The following CYP26B1 variants were observed in gnomAD, a reference collection of about 807,000 sequenced individuals.
CYP26B1 encodes cytochrome P450 26B1.
Under a neutral mutation model 39.1 loss-of-function variants are expected in CYP26B1, and 8 were observed. The ratio of observed to expected loss-of-function variants is 0.20; its 90% CI spans 0.12 to 0.37. The LOEUF (loss-of-function observed/expected upper bound fraction) is 0.37. CYP26B1 is among the 10% of genes least tolerant of loss of function. CYP26B1 has a pLI of 1.00. For synonymous variants in CYP26B1, 321 were observed against 314.3 expected (o/e 1.02, Z -0.23); for missense variants, 615 against 707.0 (o/e 0.87, Z 1.48).
In CYP26B1 at chr2:72,143,442, C is replaced by T. The variant is rs953623196; in HGVS notation, c.429+547G>A. Among the ~76,000 whole-genome samples, 123 of 145,764 alleles carry T rather than the reference C, an allele frequency of 8.4e-4. 1 individual carries two copies. Among genetic ancestry groups the T allele is most frequent in the Middle Eastern group, 3.4e-3 (1 of 290 alleles). The stretch of plus-strand genomic sequence containing the variant: ...TCTCCCCCCGCCCGCCCTTCCCCCA[C>T]GGCCCAGACCCGTGCGCTCCGCTGC... On this transcript the variant is annotated intron_variant, in intron 2 of 5. Transcript: ENST00000001146.
rs747164535 is a variant in CYP26B1, at chr2:72,133,282, G to A, written c.887C>T (p.Ala296Val). ...LKDGTLELIFAAYATTASAST... is the reference protein window; with the variant it reads ...LKDGTLELIFVAYATTASAST... Reference sequence around the variant, plus strand: ...GGCGCTGGCCGTGGTGGCATAGGCCGCAAAGATCAGCTCCAGGGTCCCGTC... The same window carrying A: ...GGCGCTGGCCGTGGTGGCATAGGCCACAAAGATCAGCTCCAGGGTCCCGTC... The change falls in exon 5 of 6, where the codon GCG becomes GTG. Residue 296 changes from alanine to valine, a missense_variant. Ala to Val is a moderately conservative substitution (Grantham distance 64, BLOSUM62 0). Coordinates refer to ENST00000001146, the MANE Select transcript of CYP26B1 (RefSeq NM_019885.4). The A allele has an allele frequency of 3.1e-6, 5 of 1,607,786 alleles. No homozygotes were observed. The highest frequency in any genetic ancestry group is 2.5e-6 in the Non-Finnish European group (3 of 1,179,488).
Position 72,135,382 on chromosome 2 carries a change from C to A in CYP26B1, c.467G>T (p.Ser156Ile), listed in dbSNP as rs759204214. The change falls in exon 3 of 6, where the codon AGT (serine) becomes ATT (isoleucine). Residue 156 changes from serine (S) to isoleucine (I), a missense_variant. Transcript: ENST00000001146. ...SKIFSHEALE[S>I]YLPKIQLVIQ... is the part of the protein sequence containing the mutation. ...CACCAGCTGGATCTTGGGCAGGTAA[C>A]TCTCCAGGGCCTCGTGGCTGAAGAT... is the stretch of plus-strand genomic sequence containing the variant. 20 of 1,613,330 alleles carry A rather than the reference C, an allele frequency of 1.2e-5. No individual in the cohort carries two copies. The highest frequency in any genetic ancestry group is 1.6e-4 in the Middle Eastern group (1 of 6,084).
At chr2:72,134,379 G>A (rs1219979358) in intron 4 of CYP26B1, among the ~76,000 whole-genome samples, 1 of 152,090 alleles carries the variant, frequency 6.6e-6, no homozygotes, top group Non-Finnish European at 1.5e-5. Flanking sequence ...GGTGGGGGAG[G>A]ATACCTCACA....
intron 4 of CYP26B1, among the ~76,000 whole-genome samples, chr2:72,133,590 C>A (rs902734416): frequency 6.6e-6 from 1 of 152,368 alleles, no homozygotes; most frequent in South Asian, 2.1e-4. Flanking sequence ...TTCTCACTCA[C>A]TGCTGGGTTC....
Position 72,147,531 on chromosome 2 carries a change from C to A in CYP26B1, c.204+100G>T. 1 of 1,222,642 alleles carries A rather than the reference C, an allele frequency of 8.2e-7. No individual in the cohort carries two copies. Among genetic ancestry groups the A allele is most frequent in the Non-Finnish European group, 1.1e-6 (1 of 905,808 alleles). The allele number at this position is 1,222,642 out of a possible 1,614,324, so 75.7% of individuals were successfully genotyped here. On this transcript the variant is annotated intron_variant, in intron 1 of 5. Transcript: ENST00000001146. The surrounding 1 kb of genome is among the most constrained non-coding windows in gnomAD (Gnocchi z 6.1). ...GGAAGGGGCGGGGCGGGGACCAGTG[C>A]CTTCAGGCTCCCGGCGCCCCCTGGC...
At chr2:72,140,747 G>A (rs1572928250) in intron 2 of CYP26B1, among the ~76,000 whole-genome samples, 1 of 152,320 alleles carries the variant, frequency 6.6e-6, no homozygotes, top group East Asian at 1.9e-4. Context: ...CAGGGATGGT[G>A]GGTGGACAGG....
At chr2:72,134,662 A>AC (rs1423653998) in intron 4 of CYP26B1, 99 bp downstream of exon 4, 2 of 1,524,592 alleles carry the variant, frequency 1.3e-6, no homozygotes, top group Admixed American at 3.9e-5. Context: ...GGGCCAGACT[A>AC]CAGGGGGTAG....
At position 72,133,138 on chromosome 2, in the gene CYP26B1, C is replaced by T. The variant is rs772338043; in HGVS notation, c.1031G>A (p.Arg344His). ...GCGCAGCCCACTGAGCGTGTCCAGG[C>T]GCAGTGTGCCCTCGCAGGGGCAGCC... ...SGGCPCEGTL[R>H]LDTLSGLRYL... Residue 344 changes from arginine to histidine, a missense_variant, in exon 5 of 6, where the codon CGC becomes CAC. Coordinates refer to ENST00000001146, the MANE Select transcript of CYP26B1 (RefSeq NM_019885.4). 2.2e-5 allele frequency: 36 copies of T among 1,612,730 alleles called. No homozygotes were observed. The highest frequency in any genetic ancestry group is 1.7e-4 in the Middle Eastern group (1 of 6,056).
At chr2:72,142,658 A>C (rs1676975840) in intron 2 of CYP26B1, among the ~76,000 whole-genome samples, 1 of 152,198 alleles carries the variant, frequency 6.6e-6, no homozygotes, top group South Asian at 2.1e-4. Flanking sequence ...TGGAGTCGCA[A>C]AGGCTGAGGG....
chr2:72,134,907 C>A lies in CYP26B1; in HGVS notation c.715G>T (p.Ala239Ser). 1 of 1,613,888 alleles carries A rather than the reference C, an allele frequency of 6.2e-7. No homozygotes were observed. Among genetic ancestry groups the A allele is most frequent in the South Asian group, 1.1e-5 (1 of 91,076 alleles). ...AGCCCCTTCTGCAGGATCTGCCGAG[C>A]CTGAATGCCCTGCAGAGGTGAGGGC... is the stretch of plus-strand genomic sequence containing the variant. ...PFSGYRRGIQ[A>S]RQILQKGLEK... Residue 239 changes from alanine (A) to serine (S), a missense_variant, in exon 4 of 6, where the codon GCT (alanine) becomes TCT (serine). Physicochemically the swap from Ala to Ser is moderately conservative, Grantham distance 99. Transcript: ENST00000001146.
At chr2:72,135,494 C>G in intron 2 of CYP26B1, 75 bp from the exon 3 acceptor site, 1 of 1,583,558 alleles carries the variant, frequency 6.3e-7, no homozygotes, top group Non-Finnish European at 8.6e-7. Context: ...TCTGCCTGAA[C>G]AATGAATGTG....
In CYP26B1 at chr2:72,133,219, G is replaced by A. The variant is rs1676649506; in HGVS notation, c.950C>T (p.Thr317Ile). The A allele has an allele frequency of 6.2e-7, 1 of 1,612,394 alleles. No individual in the cohort carries two copies. The highest frequency in any genetic ancestry group is 1.3e-5 in the African/African-American group (1 of 75,080). Residue 317 changes from threonine (T) to isoleucine (I), a missense_variant, in exon 5 of 6, where the codon ACT (threonine) becomes ATT (isoleucine). Coordinates refer to ENST00000001146, the MANE Select transcript of CYP26B1 (RefSeq NM_019885.4). ...CTCATCCCGCAGCTTCTCCAGCACA[G>A]TGGGGTGCTTCAGCAGCTGCATGAT... ...SLIMQLLKHP[T>I]VLEKLRDELR... is the part of the protein sequence containing the mutation.
At position 72,147,360 on chromosome 2, in the gene CYP26B1, C is replaced by T. The variant is rs909742792; in HGVS notation, c.204+271G>A. On this transcript the variant is annotated intron_variant, in intron 1 of 5. Coordinates refer to ENST00000001146, the MANE Select transcript of CYP26B1 (RefSeq NM_019885.4). This position sits in a 1 kb window ranked among gnomAD's most constrained non-coding sequence, Gnocchi z 6.1. ...TCCACGCCCCCTGCCAGGCCAGCCG[C>T]GACCCAGGCAAGTCCATCTTGGGAG... Among the ~76,000 whole-genome samples the T allele has an allele frequency of 6.6e-6, 1 of 152,184 alleles. No individual in the cohort carries two copies. The highest frequency in any genetic ancestry group is 1.5e-5 in the Non-Finnish European group (1 of 68,014).
At chr2:72,143,902 C>T in intron 2 of CYP26B1, 87 bp downstream of exon 2, 1 of 1,481,472 alleles carries the variant, frequency 6.8e-7, no homozygotes, top group Non-Finnish European at 9.3e-7. Flanking sequence ...GGCACAGATT[C>T]GGTAGGGGAC....
chr2:72,134,808 C>T lies in CYP26B1; in HGVS notation c.814G>A (p.Glu272Lys), dbSNP rs552735673. The T allele has an allele frequency of 1.9e-5, 31 of 1,614,192 alleles. No homozygotes were observed. Among genetic ancestry groups the T allele is most frequent in the Non-Finnish European group, 2.6e-5 (31 of 1,180,018 alleles). ...TCCTTCCCGTGCTCCTTGCTGCTCT[C>T]AATGAGGAGGTCCAGGGCGTCCAAG... ...DYLDALDLLI[E>K]SSKEHGKEMT... Residue 272 changes from glutamate to lysine, a missense_variant, in exon 4 of 6, where the codon GAG (glutamate) becomes AAG (lysine). Coordinates refer to ENST00000001146, the MANE Select transcript of CYP26B1 (RefSeq NM_019885.4).
rs949222975 is a variant in CYP26B1 at position 72,146,458 on chromosome 2, C to T, written c.204+1173G>A. Among the ~76,000 whole-genome samples, 5 of 152,298 alleles carry T rather than the reference C, an allele frequency of 3.3e-5. No homozygotes were observed. The East Asian group carries it at 9.7e-4, about 29-fold the overall frequency. On this transcript the variant is annotated intron_variant, in intron 1 of 5. Transcript: ENST00000001146. ...GGGCCTAATCCGGGACGTGGAAAGA[C>T]CACAGGGCAGAGGAACTTCGAACCC...
rs779635850 is a variant in CYP26B1 at position 72,135,167 on chromosome 2, G to C, written c.682C>G (p.Leu228Val). 1 of 1,613,856 alleles carries C rather than the reference G, an allele frequency of 6.2e-7. No homozygotes were observed. The highest frequency in any genetic ancestry group is 8.5e-7 in the Non-Finnish European group (1 of 1,180,030). ...VDNVFSLPVD[L>V]PFSGYRRGIQ... ...ACCCGCCGGTAGCCACTGAAGGGCA[G>C]GTCGACAGGCAGGGAGAAGACATTG... The change falls in exon 3 of 6, where the codon CTG (leucine) becomes GTG (valine). Residue 228 changes from leucine to valine, a missense_variant. Physicochemically the swap from Leu to Val is conservative, Grantham distance 32. Transcript: ENST00000001146.
chr2:72,141,256 G>A (rs1264388803), intron 2 of CYP26B1, among the ~76,000 whole-genome samples: 1 of 152,174 alleles, frequency 6.6e-6, no homozygotes, highest in Non-Finnish European at 1.5e-5. Flanking sequence ...GGGAGTCTGA[G>A]GCCCTGGCTG....
intron 2 of CYP26B1, among the ~76,000 whole-genome samples, chr2:72,142,706 CATTCTGAAG>C (rs1377119570): frequency 2.0e-5 from 3 of 152,174 alleles, no homozygotes; most frequent in African/African-American, 7.2e-5. Context: ...GCCGAGGCTT[CATTCTGAAG>C]CCTACAGCCC....
Sources: gnomAD v4.1 joint callset for allele counts (sites outside exome capture counted in the v4.1 genomes callset) on GRCh38, gnomAD v4.1.1 for gene constraint, Gnocchi (gnomAD v3.1) non-coding constraint, MANE v1.5 for transcripts, NCBI Gene and HGNC (gene_info 2026-07-23, HGNC 2026-07-21) for gene names.